Variants in COL21A1 observed in about 807,000 individuals in gnomAD.
The protein encoded by COL21A1 is collagen alpha-1(XXI) chain.
In COL21A1, 149 loss-of-function variants were observed where a neutral mutation model predicts 137.9. The observed-to-expected ratio is 1.08, with a 90% CI of 0.95 to 1.24. The LOEUF (loss-of-function observed/expected upper bound fraction) is 1.24, where lower values mean the gene tolerates loss of function less well. COL21A1 is among the 50% of genes most tolerant of loss of function. The pLI, the probability that COL21A1 is intolerant of heterozygous loss-of-function variation, is 0.00. For missense variants in COL21A1, 1,167 were observed against 1,158.4 expected, an observed-to-expected ratio of 1.01 and a Z score of -0.11; for synonymous variants, 456 against 391.5, an observed-to-expected ratio of 1.16 and a Z score of -1.95.
intron 17 of COL21A1, among the ~76,000 whole-genome samples, chr6:56,085,096 C>T (rs1037585562): frequency 1.3e-5 from 2 of 151,958 alleles, no homozygotes; most frequent in African/African-American, 4.8e-5. Context: ...GCACCATTTC[C>T]CCCATTTTCC....
chr6:56,290,371 G>A (rs2152335440), intron 1 of COL21A1, among the ~76,000 whole-genome samples: 1 of 152,070 alleles, frequency 6.6e-6, no homozygotes, highest in Non-Finnish European at 1.5e-5. Context: ...GGCTAATTCT[G>A]ACAACCAAAA....
intron 1 of COL21A1, among the ~76,000 whole-genome samples, chr6:56,326,613 G>C (rs1246246931): frequency 6.6e-6 from 1 of 151,926 alleles, no homozygotes; most frequent in Non-Finnish European, 1.5e-5. Flanking sequence ...TAACAGTCAT[G>C]TTTTTCTCTC....
At chr6:56,254,414 G>A (rs959615086) in intron 1 of COL21A1, among the ~76,000 whole-genome samples, 1 of 152,190 alleles carries the variant, frequency 6.6e-6, no homozygotes, top group Non-Finnish European at 1.5e-5. Context: ...TAAAGTGAAA[G>A]CACATAGTAA....
intron 9 of COL21A1, among the ~76,000 whole-genome samples, chr6:56,160,478 A>G (rs965519386): frequency 6.6e-6 from 1 of 152,224 alleles, no homozygotes; most frequent in East Asian, 1.9e-4. Flanking sequence ...TACACTGATC[A>G]GAACCAGACT....
Position 56,314,539 on chromosome 6 carries a change from C to T in COL21A1, c.-39+79432G>A, listed in dbSNP as rs1043837849. Among the ~76,000 whole-genome samples, 6 of 152,104 alleles carry T rather than the reference C, an allele frequency of 3.9e-5. No individual in the cohort carries two copies. In the East Asian group the frequency reaches 5.8e-4, roughly 15 times the overall value. ...CTAATGTAAATTGTCTGCAACACCT[C>T]GGCCAAGATATTTAAATCTTGGAGC... is the stretch of plus-strand genomic sequence containing the variant. On this transcript the variant is annotated intron_variant, in intron 1 of 28. Transcript: ENST00000370819.
intron 12 of COL21A1, chr6:56,126,492 C>G (rs949275172): frequency 1.4e-5 from 3 of 208,976 alleles, no homozygotes; most frequent in Non-Finnish European, 2.8e-5. Context: ...ACTCAGGAAA[C>G]AGTTAACCTC....
intron 1 of COL21A1, among the ~76,000 whole-genome samples, chr6:56,259,979 GAA>G (rs1223058096): frequency 2.4e-4 from 37 of 152,134 alleles, no homozygotes; most frequent in African/African-American, 8.9e-4. Flanking sequence ...CATTATTGAG[GAA>G]AGAAAGCATG....
At chr6:56,100,402 C>T (rs549743590) in intron 17 of COL21A1, among the ~76,000 whole-genome samples, 6 of 152,212 alleles carry the variant, frequency 3.9e-5, no homozygotes, top group African/African-American at 9.6e-5. Context: ...AAATTTCCTA[C>T]GTAAGCTTCA....
chr6:56,098,596 T>TATATAA (rs1770014838), intron 17 of COL21A1, among the ~76,000 whole-genome samples: 1 of 10,366 alleles, frequency 9.6e-5, no homozygotes, highest in African/African-American at 5.6e-4. Context: ...AATATATAAA[T>TATATAA]ATATATATAA....
At chr6:56,110,136 T>C (rs1330733114) in intron 16 of COL21A1, among the ~76,000 whole-genome samples, 1 of 151,860 alleles carries the variant, frequency 6.6e-6, no homozygotes, top group East Asian at 1.9e-4. Context: ...TATTATAAGA[T>C]AACCAATTGT....
intron 23 of COL21A1, among the ~76,000 whole-genome samples, chr6:56,065,808 G>C (rs1766189073): frequency 6.6e-6 from 1 of 151,900 alleles, no homozygotes; most frequent in Admixed American, 6.6e-5. Flanking sequence ...TAACATGTGT[G>C]GGGCACGATT....
chr6:56,254,150 A>T (rs1782918660), intron 1 of COL21A1, among the ~76,000 whole-genome samples: 1 of 152,232 alleles, frequency 6.6e-6, no homozygotes, highest in Admixed American at 6.5e-5. Flanking sequence ...CTGACAGTCC[A>T]ATTCAACTTT....
At chr6:56,090,692 AAT>A (rs990669714) in intron 17 of COL21A1, among the ~76,000 whole-genome samples, 4 of 151,850 alleles carry the variant, frequency 2.6e-5, no homozygotes, top group East Asian at 1.9e-4. Flanking sequence ...AAATTATTAT[AAT>A]AGTTTTATGT....
At chr6:56,315,834 A>T (rs537295505) in intron 1 of COL21A1, among the ~76,000 whole-genome samples, 9 of 152,330 alleles carry the variant, frequency 5.9e-5, no homozygotes, top group Middle Eastern at 6.8e-3. Flanking sequence ...TCATATAATC[A>T]AAATTTGCTG....
At chr6:56,231,108 T>C (rs1454707864) in intron 1 of COL21A1, 2 of 151,874 alleles carry the variant, frequency 1.3e-5, no homozygotes, top group Non-Finnish European at 2.9e-5. Context: ...TCTACTGCCA[T>C]TTACTAAGGA....
At chr6:56,301,145 C>T (rs867303373) in intron 1 of COL21A1, among the ~76,000 whole-genome samples, 4 of 151,990 alleles carry the variant, frequency 2.6e-5, no homozygotes, top group Non-Finnish European at 5.9e-5. Context: ...CTGGAACCTG[C>T]GAATATGTTG....
intron 1 of COL21A1, among the ~76,000 whole-genome samples, chr6:56,302,214 C>T (rs989389632): frequency 2.0e-5 from 3 of 151,592 alleles, no homozygotes; most frequent in Non-Finnish European, 2.9e-5. Context: ...TTTATAGCAG[C>T]ACGATTTATA....
At chr6:56,126,697 G>T (rs1391332213) in intron 12 of COL21A1, 1 of 152,244 alleles carries the variant, frequency 6.6e-6, no homozygotes, top group Non-Finnish European at 1.5e-5. Flanking sequence ...ATAACAACTT[G>T]TTATTTAGTA....
intron 12 of COL21A1, among the ~76,000 whole-genome samples, chr6:56,131,225 A>G (rs1260644184): frequency 6.6e-6 from 1 of 152,022 alleles, no homozygotes; most frequent in Non-Finnish European, 1.5e-5. Context: ...CTTGCTTGTA[A>G]TAACTTGCAA....
Sources: gnomAD v4.1 joint callset for allele counts (sites outside exome capture counted in the v4.1 genomes callset) on GRCh38, gnomAD v4.1.1 for gene constraint, MANE v1.5 for transcripts, NCBI Gene and HGNC (gene_info 2026-07-23, HGNC 2026-07-21) for gene names.